Variants in GREM2 observed in about 807,000 individuals in gnomAD.
GREM2 encodes the protein gremlin 2, DAN family BMP antagonist.
GREM2 carries 11 observed loss-of-function variants against 14.2 expected under a neutral mutation model. That is an observed-to-expected ratio of 0.78 (90% CI 0.49 to 1.28). The LOEUF is 1.28. GREM2 is among the 50% of genes most tolerant of loss of function. The probability of loss-of-function intolerance (pLI) is 0.00; values close to 1 mark genes in which losing one functional copy is unlikely to be tolerated. For synonymous variants in GREM2, 98 were observed against 97.6 expected, an observed-to-expected ratio of 1.00 and a Z score of -0.02; for missense variants, 210 against 218.5, an observed-to-expected ratio of 0.96 and a Z score of 0.24.
At position 240,501,667 on chromosome 1, in the gene GREM2, C is replaced by T. The variant is rs78183986; in HGVS notation, c.-1-8191G>A. Among the ~76,000 whole-genome samples the T allele has an allele frequency of 5.3e-3, 788 of 149,710 alleles. 16 individuals carry two copies. The highest frequency in any genetic ancestry group is 0.045 in the East Asian group (233 of 5,176). On this transcript the variant is annotated intron_variant, in intron 1 of 1. Transcript: ENST00000318160. Reference sequence around the variant, plus strand: ...AAGTGGGCTGCTTCTCTCTAGGGTACATCCATGTGCGGATGGGAGGGAGAA... The same window carrying T: ...AAGTGGGCTGCTTCTCTCTAGGGTATATCCATGTGCGGATGGGAGGGAGAA...
intron 1 of GREM2, among the ~76,000 whole-genome samples, chr1:240,583,338 A>T (rs1446195621): frequency 1.3e-5 from 2 of 152,232 alleles, no homozygotes; most frequent in East Asian, 3.9e-4. Flanking sequence ...ATTTAGGAAA[A>T]ATATAAAGAT....
At chr1:240,588,272 G>A (rs1232447321) in intron 1 of GREM2, among the ~76,000 whole-genome samples, 1 of 152,044 alleles carries the variant, frequency 6.6e-6, no homozygotes, top group East Asian at 1.9e-4. Context: ...GACTATCTTC[G>A]CTTCCCTGGT....
chr1:240,535,943 A>G (rs1215525949), intron 1 of GREM2, among the ~76,000 whole-genome samples: 1 of 152,220 alleles, frequency 6.6e-6, no homozygotes, highest in Non-Finnish European at 1.5e-5. Context: ...AGCCAGTGTC[A>G]GCTGAGTCAA....
intron 1 of GREM2, among the ~76,000 whole-genome samples, chr1:240,499,403 C>T (rs1287810733): frequency 6.6e-6 from 1 of 152,156 alleles, no homozygotes; most frequent in Non-Finnish European, 1.5e-5. Flanking sequence ...AGGGAAGTCC[C>T]CAGGGCTGAA....
intron 1 of GREM2, among the ~76,000 whole-genome samples, chr1:240,571,407 A>G (rs1400658155): frequency 6.6e-6 from 1 of 152,172 alleles, no homozygotes; most frequent in Non-Finnish European, 1.5e-5. Flanking sequence ...CTCTATAGAA[A>G]AAGAAGCTGG....
intron 1 of GREM2, among the ~76,000 whole-genome samples, chr1:240,563,299 G>A (rs1191634364): frequency 6.6e-6 from 1 of 152,030 alleles, no homozygotes; most frequent in East Asian, 1.9e-4. Flanking sequence ...GCGCTGCAGT[G>A]TTCTAAAAAA....
chr1:240,518,128 G>A (rs1426115873), intron 1 of GREM2, among the ~76,000 whole-genome samples: 1 of 152,144 alleles, frequency 6.6e-6, no homozygotes, highest in Non-Finnish European at 1.5e-5. Flanking sequence ...TTTTGTCATT[G>A]ATGTCACTTT....
intron 1 of GREM2, among the ~76,000 whole-genome samples, chr1:240,569,840 T>C (rs1679227367): frequency 1.3e-5 from 2 of 152,186 alleles, no homozygotes. Flanking sequence ...AATTGATAAA[T>C]TAGACTTCAT....
intron 1 of GREM2, among the ~76,000 whole-genome samples, chr1:240,592,996 T>G (rs1277249756): frequency 6.7e-6 from 1 of 148,514 alleles, no homozygotes; most frequent in African/African-American, 2.5e-5. Flanking sequence ...AAAAAAAAAA[T>G]TAGCCGGCAT....
At chr1:240,520,280 T>A (rs1247158372) in intron 1 of GREM2, among the ~76,000 whole-genome samples, 1 of 152,018 alleles carries the variant, frequency 6.6e-6, no homozygotes, top group Non-Finnish European at 1.5e-5. Flanking sequence ...TGTGTTAGAG[T>A]TGGGATGAGC....
intron 1 of GREM2, among the ~76,000 whole-genome samples, chr1:240,559,233 T>C (rs116595526): frequency 1.1e-3 from 174 of 152,296 alleles, no homozygotes; most frequent in African/African-American, 3.4e-3. Flanking sequence ...ACCTCATACA[T>C]TGGCTTAATG....
chr1:240,591,023 G>A (rs1386661939), intron 1 of GREM2, among the ~76,000 whole-genome samples: 13 of 149,874 alleles, frequency 8.7e-5, no homozygotes, highest in Non-Finnish European at 1.8e-4. Context: ...CTCATGATCT[G>A]CCCTCCTTGG....
At chr1:240,566,848 A>G (rs1679182986) in intron 1 of GREM2, among the ~76,000 whole-genome samples, 1 of 152,176 alleles carries the variant, frequency 6.6e-6, no homozygotes, top group Non-Finnish European at 1.5e-5. Context: ...AATAAAAACA[A>G]AACAAAACAA....
chr1:240,571,748 T>C (rs1311343145), intron 1 of GREM2, among the ~76,000 whole-genome samples: 2 of 152,168 alleles, frequency 1.3e-5, no homozygotes, highest in African/African-American at 2.4e-5. Flanking sequence ...CAATTTCTTA[T>C]CTGGCATGTA....
At chr1:240,604,666 C>A (rs909039465) in intron 1 of GREM2, among the ~76,000 whole-genome samples, 1 of 152,078 alleles carries the variant, frequency 6.6e-6, no homozygotes, top group African/African-American at 2.4e-5. Flanking sequence ...TCTTATAGAA[C>A]ACCAAAGTAG....
intron 1 of GREM2, among the ~76,000 whole-genome samples, chr1:240,570,559 C>T (rs1052654757): frequency 9.9e-5 from 15 of 152,008 alleles, no homozygotes; most frequent in African/African-American, 3.6e-4. Flanking sequence ...CCAGTATGCC[C>T]CCTTTTAATA....
At chr1:240,584,132 A>G (rs1248138313) in intron 1 of GREM2, among the ~76,000 whole-genome samples, 1 of 152,158 alleles carries the variant, frequency 6.6e-6, no homozygotes, top group Non-Finnish European at 1.5e-5. Context: ...CAATGACTAC[A>G]ACAATGAAAA....
chr1:240,517,988 A>G (rs1677988218), intron 1 of GREM2, among the ~76,000 whole-genome samples: 1 of 152,202 alleles, frequency 6.6e-6, no homozygotes, highest in African/African-American at 2.4e-5. Flanking sequence ...CCAGCAGAAA[A>G]TAGGAGTCCT....
chr1:240,512,639 G>GA (rs994846992), intron 1 of GREM2, among the ~76,000 whole-genome samples: 13 of 151,952 alleles, frequency 8.6e-5, no homozygotes, highest in Non-Finnish European at 1.6e-4. Flanking sequence ...TTGATTTAAA[G>GA]AAAAAAACGA....
Sources: allele counts gnomAD v4.1 joint callset (sites outside exome capture counted in the v4.1 genomes callset), GRCh38; gene constraint gnomAD v4.1.1; transcripts MANE v1.5; gene names NCBI Gene and HGNC (gene_info 2026-07-23, HGNC 2026-07-21).